Variants in SCML4 observed in about 807,000 individuals in gnomAD.
The protein encoded by SCML4 is sex comb on midleg-like protein 4.
A neutral mutation model predicts 41.1 loss-of-function variants in SCML4; 34 were observed. That is an observed-to-expected ratio of 0.83 (90% confidence interval 0.63 to 1.10). The LOEUF (loss-of-function observed/expected upper bound fraction) is 1.10, where lower values mean the gene tolerates loss of function less well. SCML4 is among the 50% of genes least tolerant of loss of function. SCML4 has a pLI of 0.00. For synonymous variants in SCML4, 214 were observed against 220.9 expected (o/e 0.97, Z 0.28); for missense variants, 522 against 534.1 (o/e 0.98, Z 0.22).
chr6:107,795,261 C>G (rs1782621613), intron 1 of SCML4, among the ~76,000 whole-genome samples: 1 of 152,110 alleles, frequency 6.6e-6, no homozygotes, highest in African/African-American at 2.4e-5. Flanking sequence ...TTGCTATATC[C>G]TTGGGGAAGA....
At chr6:107,797,165 A>G (rs1439840670) in intron 1 of SCML4, among the ~76,000 whole-genome samples, 1 of 152,102 alleles carries the variant, frequency 6.6e-6, no homozygotes, top group Non-Finnish European at 1.5e-5. Context: ...GAATTTCCAT[A>G]TAAGTGCAAA....
chr6:107,826,678 G>A (rs1404613373), upstream of SCML4, among the ~76,000 whole-genome samples: 1 of 152,172 alleles, frequency 6.6e-6, no homozygotes, highest in Non-Finnish European at 1.5e-5. Flanking sequence ...ATGGGCTACT[G>A]TTGTCCTTGT....
chr6:107,749,123 C>CGT (rs372451899), intron 3 of SCML4, among the ~76,000 whole-genome samples: 11 of 151,140 alleles, frequency 7.3e-5, no homozygotes, highest in Admixed American at 3.3e-4. Context: ...TGTGTGTGCG[C>CGT]GTGTGTGTGT....
At chr6:107,708,315 G>A (rs1045689861) in intron 6 of SCML4, among the ~76,000 whole-genome samples, 1 of 152,104 alleles carries the variant, frequency 6.6e-6, no homozygotes, top group South Asian at 2.1e-4. Flanking sequence ...TCCCACCCTC[G>A]TTGGAGTTTT....
chr6:107,807,753 G>A (rs1022032412), intron 1 of SCML4, among the ~76,000 whole-genome samples: 3 of 152,168 alleles, frequency 2.0e-5, no homozygotes, highest in East Asian at 1.9e-4. Flanking sequence ...CATAAACTTT[G>A]TTTGCAATTT....
At chr6:107,721,138 T>G in intron 5 of SCML4, 145 bp from the exon 6 acceptor site, 1 of 948,814 alleles carries the variant, frequency 1.1e-6, no homozygotes, top group Non-Finnish European at 1.5e-6. Flanking sequence ...CCTCACAACA[T>G]AATTCCAAAT....
chr6:107,759,245 G>A (rs1779371936), intron 2 of SCML4, among the ~76,000 whole-genome samples: 1 of 151,972 alleles, frequency 6.6e-6, no homozygotes, highest in Non-Finnish European at 1.5e-5. Flanking sequence ...TAGGAAGACG[G>A]CTTGAGCCTG....
At chr6:107,840,166 T>C in the SCML4 span, among the ~76,000 whole-genome samples, 1 of 152,162 alleles carries the variant, frequency 6.6e-6, no homozygotes, top group African/African-American at 2.4e-5. Flanking sequence ...TGCAACATGG[T>C]GGGAACTCAA....
At chr6:107,710,087 T>C (rs912863078) in intron 6 of SCML4, among the ~76,000 whole-genome samples, 1 of 152,246 alleles carries the variant, frequency 6.6e-6, no homozygotes, top group African/African-American at 2.4e-5. Flanking sequence ...TGTAGTACAA[T>C]TATTTATGAA....
chr6:107,716,303 A>G (rs550441448), intron 6 of SCML4, among the ~76,000 whole-genome samples: 7 of 152,190 alleles, frequency 4.6e-5, no homozygotes, highest in African/African-American at 9.6e-5. Flanking sequence ...ATGATTTGAA[A>G]ACCCCTGGGG....
chr6:107,725,060 TGAG>T (rs1032886561), intron 5 of SCML4, among the ~76,000 whole-genome samples: 19 of 152,268 alleles, frequency 1.2e-4, no homozygotes, highest in African/African-American at 4.1e-4. Context: ...TCAGTGAGGA[TGAG>T]GAGAAGTTGA....
chr6:107,734,440 G>A (rs1360221809), intron 5 of SCML4, among the ~76,000 whole-genome samples: 1 of 152,170 alleles, frequency 6.6e-6, no homozygotes, highest in Non-Finnish European at 1.5e-5. Context: ...AATAGTTATG[G>A]AGTAAATAAC....
rs143499087 is a variant in SCML4, at chr6:107,707,026, G to A, written c.1119+840C>T. 1.0e-3 allele frequency among the ~76,000 whole-genome samples: 155 copies of A among 152,264 alleles called. 1 individual carries two copies. In the Middle Eastern group the frequency reaches 0.01, roughly 10 times the overall value. On this transcript the variant is annotated intron_variant, in intron 7 of 7. Transcript: ENST00000369020. ...GAGGCAACTACGTTGGTGGTAATCT[G>A]TTACAGCACAATATAAAATGAGTAC... is the stretch of plus-strand genomic sequence containing the variant.
chr6:107,714,045 G>T (rs750472069), intron 6 of SCML4, among the ~76,000 whole-genome samples: 4 of 152,158 alleles, frequency 2.6e-5, no homozygotes, highest in African/African-American at 4.8e-5. Flanking sequence ...CCGAGTAGCT[G>T]GGATTATAGG....
intron 1 of SCML4, among the ~76,000 whole-genome samples, chr6:107,778,230 T>A (rs1468348340): frequency 0.18 from 1,157 of 6,604 alleles, 13 homozygotes; most frequent in Non-Finnish European, 0.26. Context: ...AAAATATATA[T>A]ATATATATAT....
intron 2 of SCML4, among the ~76,000 whole-genome samples, chr6:107,760,383 G>A (rs1518524): frequency 0.73 from 111,022 of 152,072 alleles, 42,016 homozygotes; most frequent in East Asian, 0.9. Context: ...TACAATAAAG[G>A]CACTCCAGCT....
intron 1 of SCML4, among the ~76,000 whole-genome samples, chr6:107,780,222 A>G (rs1023730388): frequency 2.0e-5 from 3 of 152,200 alleles, no homozygotes; most frequent in Admixed American, 6.5e-5. Context: ...CTTTGATAGA[A>G]CGAAACCTTC....
chr6:107,749,130 G>A (rs917701526), intron 3 of SCML4, among the ~76,000 whole-genome samples: 6 of 152,110 alleles, frequency 3.9e-5, no homozygotes, highest in African/African-American at 1.4e-4. Context: ...GCGCGTGTGT[G>A]TGTGTGCATG....
intron 2 of SCML4, among the ~76,000 whole-genome samples, chr6:107,768,623 A>C (rs1383930668): frequency 1.3e-5 from 2 of 152,202 alleles, no homozygotes; most frequent in African/African-American, 4.8e-5. Flanking sequence ...TTCATGCCTA[A>C]GTCCTGCAGT....
Sources: gnomAD v4.1 joint callset for allele counts (sites outside exome capture counted in the v4.1 genomes callset) on GRCh38, gnomAD v4.1.1 for gene constraint, MANE v1.5 for transcripts, NCBI Gene and HGNC (gene_info 2026-07-23, HGNC 2026-07-21) for gene names.